The following PLCL2 variants were observed in gnomAD, a reference collection of about 807,000 sequenced individuals.
PLCL2 encodes inactive phospholipase C-like protein 2.
Under a neutral mutation model 79.6 loss-of-function variants are expected in PLCL2, and 4 were observed. The ratio of observed to expected loss-of-function variants is 0.05; its 90% confidence interval spans 0.02 to 0.11. The LOEUF (loss-of-function observed/expected upper bound fraction) is 0.11. Ranked by LOEUF, PLCL2 falls within the 10% of genes least tolerant of loss-of-function variation. The pLI is 1.00. For missense variants in PLCL2, 895 were observed against 1,291.0 expected (o/e 0.69, Z 4.70); for synonymous variants, 484 against 457.7 (o/e 1.06, Z -0.73).
intron 1 of PLCL2, among the ~76,000 whole-genome samples, chr3:16,892,492 G>A (rs1460781642): frequency 6.6e-6 from 1 of 152,052 alleles, no homozygotes; most frequent in Non-Finnish European, 1.5e-5. Context: ...TTGCTCAGTT[G>A]TTGTTTATTT....
At position 17,068,661 on chromosome 3, in the gene PLCL2, C is replaced by T. The variant is rs541250421; in HGVS notation, c.3204+596C>T. ...TTTTATTATAAAAATAATATATTTT[C>T]ATTGTCAAAAATGTCAAAAGAGCAA... On this transcript the variant is annotated intron_variant, in intron 5 of 5. Transcript: ENST00000615277. Among the ~76,000 whole-genome samples the T allele has an allele frequency of 1.5e-4, 23 of 152,178 alleles. No homozygotes were observed. In the South Asian group the frequency reaches 4.6e-3, roughly 30 times the overall value.
At chr3:16,966,076 G>T (rs1321708054) in intron 1 of PLCL2, among the ~76,000 whole-genome samples, 1 of 151,950 alleles carries the variant, frequency 6.6e-6, no homozygotes, top group Admixed American at 6.6e-5. Context: ...TGGTGAGAGA[G>T]GGCATCCCTG....
chr3:16,985,226 G>A (rs1250683988), intron 1 of PLCL2, among the ~76,000 whole-genome samples: 1 of 152,076 alleles, frequency 6.6e-6, no homozygotes, highest in East Asian at 1.9e-4. Flanking sequence ...CACTCCGGGT[G>A]CCTATAGCTC....
At chr3:16,970,058 A>ATATTTTTT (rs1553640074) in intron 1 of PLCL2, among the ~76,000 whole-genome samples, 4 of 145,764 alleles carry the variant, frequency 2.7e-5, no homozygotes, top group Admixed American at 2.1e-4. Flanking sequence ...ATATATATAT[A>ATATTTTTT]TTTTATTTTA....
intron 1 of PLCL2, among the ~76,000 whole-genome samples, chr3:16,946,259 T>G (rs1038496864): frequency 6.6e-6 from 1 of 152,120 alleles, no homozygotes; most frequent in African/African-American, 2.4e-5. Context: ...CGCACCTTGT[T>G]CACCAGCTTT....
At chr3:16,993,884 C>A (rs1246789270) in intron 1 of PLCL2, among the ~76,000 whole-genome samples, 1 of 152,126 alleles carries the variant, frequency 6.6e-6, no homozygotes, top group African/African-American at 2.4e-5. Flanking sequence ...GGTATAGAGA[C>A]CCTCTTAATC....
At chr3:17,081,368 C>T (rs2065160791) in intron 5 of PLCL2, 1 of 408,166 alleles carries the variant, frequency 2.4e-6, no homozygotes, top group Non-Finnish European at 4.9e-6. Flanking sequence ...GGCCATTACA[C>T]AGGTGGCAGA....
At chr3:16,889,694 A>G (rs1006239454) in intron 1 of PLCL2, among the ~76,000 whole-genome samples, 1 of 152,178 alleles carries the variant, frequency 6.6e-6, no homozygotes, top group East Asian at 1.9e-4. Flanking sequence ...TTTCACATCT[A>G]TTATACACAT....
chr3:16,943,969 C>A (rs1285289726), intron 1 of PLCL2, among the ~76,000 whole-genome samples: 4 of 152,094 alleles, frequency 2.6e-5, no homozygotes, highest in African/African-American at 7.2e-5. Flanking sequence ...CTTTTTATTA[C>A]ATATGGTTTC....
intron 1 of PLCL2, among the ~76,000 whole-genome samples, chr3:16,919,698 A>C (rs1394373918): frequency 1.3e-5 from 2 of 152,152 alleles, no homozygotes; most frequent in Non-Finnish European, 2.9e-5. Flanking sequence ...CTACAGAAAA[A>C]GTATACTCCT....
chr3:16,955,366 T>C (rs940787349), intron 1 of PLCL2, among the ~76,000 whole-genome samples: 4 of 152,198 alleles, frequency 2.6e-5, no homozygotes, highest in Admixed American at 1.3e-4. Flanking sequence ...CTGAGGGCTC[T>C]GTTCTGTTCC....
chr3:17,075,571 AT>A (rs1450794336), intron 5 of PLCL2, among the ~76,000 whole-genome samples: 2 of 148,884 alleles, frequency 1.3e-5, no homozygotes, highest in African/African-American at 5.0e-5. Flanking sequence ...AAAATGCAGT[AT>A]CTGTGAAGTG....
At chr3:17,074,247 C>T (rs972838341) in intron 5 of PLCL2, among the ~76,000 whole-genome samples, 11 of 152,330 alleles carry the variant, frequency 7.2e-5, no homozygotes, top group African/African-American at 2.4e-4. Context: ...TTGTGCATCC[C>T]TATCAGAGTG....
intron 1 of PLCL2, among the ~76,000 whole-genome samples, chr3:16,997,030 C>CA (rs2064160516): frequency 6.6e-6 from 1 of 151,954 alleles, no homozygotes; most frequent in Admixed American, 6.6e-5. Context: ...ATTGAAGAAA[C>CA]AAAAAAATGA....
Position 17,089,976 on chromosome 3 carries a change from A to G in PLCL2, c.*64A>G. The G allele has an allele frequency of 6.6e-7, 1 of 1,526,448 alleles. No homozygotes were observed. Among genetic ancestry groups the G allele is most frequent in the South Asian group, 1.3e-5 (1 of 76,282 alleles). The allele number at this position is 1,526,448 out of a possible 1,614,324, so 94.6% of individuals were successfully genotyped here. A position where few individuals can be genotyped will look rare whatever the true frequency, so the allele number is the denominator to read the frequency against. ...AGGACCAATTGTAGTCAGATGGGAC[A>G]TTTGCTTTGCACTCACTAATGAGAA... On this transcript the variant is annotated 3_prime_UTR_variant, in exon 6 of 6. Transcript: ENST00000615277.
intron 1 of PLCL2, among the ~76,000 whole-genome samples, chr3:16,990,658 TTTA>T (rs2124995346): frequency 6.6e-6 from 1 of 152,320 alleles, no homozygotes; most frequent in Admixed American, 6.5e-5. Flanking sequence ...CGCTTTCATA[TTTA>T]TTATCTCCTT....
chr3:16,887,028 C>G lies in PLCL2; in HGVS notation c.327+1662C>G, dbSNP rs1696242092. On this transcript the variant is annotated intron_variant, in intron 1 of 5. Coordinates refer to ENST00000615277, the MANE Select transcript of PLCL2 (RefSeq NM_001144382.2). This position sits in a 1 kb window ranked among gnomAD's most constrained non-coding sequence, Gnocchi z 4.1. ...AGTGTAACTTACTGAATTACAAAAACATTTGTTTTAATTTTACATTACTGG... is the reference window on the plus strand; with the variant it reads ...AGTGTAACTTACTGAATTACAAAAAGATTTGTTTTAATTTTACATTACTGG... 6.6e-6 allele frequency among the ~76,000 whole-genome samples: 1 copy of G among 152,140 alleles called. No individual in the cohort carries two copies.
At chr3:16,891,841 G>C (rs1330483448) in intron 1 of PLCL2, among the ~76,000 whole-genome samples, 1 of 152,134 alleles carries the variant, frequency 6.6e-6, no homozygotes, top group Non-Finnish European at 1.5e-5. Context: ...AGCCTTTATG[G>C]TGACACCTCT....
chr3:16,992,073 G>C (rs534667702), intron 1 of PLCL2, among the ~76,000 whole-genome samples: 4 of 152,344 alleles, frequency 2.6e-5, no homozygotes, highest in Non-Finnish European at 5.9e-5. Flanking sequence ...ATATTAGAGA[G>C]TCCAAGATTG....
Sources: allele counts gnomAD v4.1 joint callset (sites outside exome capture counted in the v4.1 genomes callset), GRCh38; gene constraint gnomAD v4.1.1; non-coding constraint Gnocchi (gnomAD v3.1); transcripts MANE v1.5; gene names NCBI Gene and HGNC (gene_info 2026-07-23, HGNC 2026-07-21).